PLA2G2A: variants seen among roughly 807,000 people sequenced by gnomAD.
PLA2G2A encodes phospholipase A2, membrane associated.
A neutral mutation model predicts 11.2 loss-of-function variants in PLA2G2A; 6 were observed. That is an observed-to-expected ratio of 0.54 (90% CI 0.29 to 1.06). PLA2G2A has a LOEUF of 1.06. Ranked by LOEUF, PLA2G2A falls within the 50% of genes least tolerant of loss-of-function variation. The probability of loss-of-function intolerance (pLI) is 0.08; values close to 1 mark genes in which losing one functional copy is unlikely to be tolerated. For synonymous variants in PLA2G2A, 69 were observed against 65.8 expected (o/e 1.05, Z -0.23); for missense variants, 133 against 177.1 (o/e 0.75, Z 1.41).
At chr1:19,975,453 A>G, downstream of PLA2G2A, 1 of 558,466 alleles carries the variant, frequency 1.8e-6, no homozygotes. Flanking sequence ...TAATTGCTTT[A>G]TTCAGAAGAG....
At position 19,976,484 on chromosome 1, in the gene PLA2G2A, C is replaced by T. The variant is rs547845435; in HGVS notation, c.293-641G>A. On this transcript the variant is annotated intron_variant, in intron 4 of 4. Transcript: ENST00000482011. Reference sequence around the variant, plus strand: ...GCTGCCCCAAGCCTGGCACTGCACTCTTCCAGAATTCTAGTTATGCGACAG... The same window carrying T: ...GCTGCCCCAAGCCTGGCACTGCACTTTTCCAGAATTCTAGTTATGCGACAG... Among the ~76,000 whole-genome samples, 5 of 152,344 alleles carry T rather than the reference C, an allele frequency of 3.3e-5. No homozygotes were observed. In the South Asian group the frequency reaches 6.2e-4, roughly 19 times the overall value.
chr1:19,978,755 A>G, exon 2 of PLA2G2A: 1 of 1,614,156 alleles, frequency 6.2e-7, no homozygotes, highest in East Asian at 2.2e-5. Context: ...ATCACTGCCA[A>G]CAGTAGGAGG....
At chr1:19,978,354 G>T (rs200556518) in intron 3 of PLA2G2A, 26 bp downstream of exon 3, 4 of 1,609,492 alleles carry the variant, frequency 2.5e-6, no homozygotes, top group South Asian at 1.1e-5. Context: ...GAGTCTAGGA[G>T]GGTAGGGAGG....
At chr1:19,978,300 A>T in intron 3 of PLA2G2A, 80 bp downstream of exon 3, 1 of 1,543,946 alleles carries the variant, frequency 6.5e-7, no homozygotes, top group East Asian at 2.3e-5. Context: ...TGCGCCCATC[A>T]GGAACCGGCA....
chr1:19,978,399 G>C (rs1373721891), exon 3 of PLA2G2A: 6 of 1,613,228 alleles, frequency 3.7e-6, no homozygotes, highest in Non-Finnish European at 5.1e-6. Flanking sequence ...GCATCCTTGG[G>C]GGATCCTCTG....
At position 19,975,849 on chromosome 1, in the gene PLA2G2A, A is replaced by G; in HGVS notation, c.293-6T>C. 6.2e-7 allele frequency: 1 copy of G among 1,613,346 alleles called. No individual in the cohort carries two copies. Among genetic ancestry groups the G allele is most frequent in the Non-Finnish European group, 8.5e-7 (1 of 1,179,502 alleles). On this transcript the variant is annotated splice_region_variant and splice_polypyrimidine_tract_variant and intron_variant, in intron 4 of 4. Transcript: ENST00000482011. ...TCTGCAGGAGTCCTGTTTTGCTGAA[A>G]TCATAAGAAAATAAACACAAGATGG... is the stretch of plus-strand genomic sequence containing the variant.
downstream of PLA2G2A, chr1:19,975,600 G>A: frequency 9.2e-7 from 1 of 1,091,972 alleles, no homozygotes; most frequent in Non-Finnish European, 1.4e-6. Flanking sequence ...ATGGGTGAGG[G>A]ATGCTTTCTG....
chr1:19,978,139 G>A lies in PLA2G2A; in HGVS notation c.186-18C>T, dbSNP rs770631666. 2.5e-6 allele frequency: 4 copies of A among 1,570,036 alleles called. No homozygotes were observed. Among genetic ancestry groups the A allele is most frequent in the Admixed American group, 1.7e-5 (1 of 59,990 alleles). On this transcript the variant is annotated intron_variant, in intron 3 of 4. Transcript: ENST00000482011. ...CACAGCAGCTGTGAGGAGACACCCT[G>A]TTGGGGCTCTTGTCCCACAGCTCCA...
chr1:19,976,975 CCTT>C (rs1011322256), intron 4 of PLA2G2A, among the ~76,000 whole-genome samples: 2 of 152,200 alleles, frequency 1.3e-5, no homozygotes, highest in African/African-American at 4.8e-5. Flanking sequence ...GACTCCTTGA[CCTT>C]CTCGCTCAGT....
At chr1:19,978,836 A>G (rs571772693) in exon 2 of PLA2G2A, 43 of 1,540,494 alleles carry the variant, frequency 2.8e-5, no homozygotes, top group Non-Finnish European at 9.9e-6. Context: ...GGGTGGTCTC[A>G]ACTTCTGCCC....
intron 4 of PLA2G2A, among the ~76,000 whole-genome samples, chr1:19,976,879 T>C (rs1319613434): frequency 8.5e-5 from 13 of 152,230 alleles, no homozygotes; most frequent in Admixed American, 8.5e-4. Flanking sequence ...CTCATGCGTT[T>C]CTGCCTCAAC....
In PLA2G2A at chr1:19,978,582, C is replaced by T. The variant is rs1481284223; in HGVS notation, c.41-58G>A. The T allele has an allele frequency of 8.7e-6, 14 of 1,605,622 alleles. No individual in the cohort carries two copies. The South Asian group carries it at 1.3e-4, about 15-fold the overall frequency. On this transcript the variant is annotated intron_variant, in intron 2 of 4. Coordinates refer to ENST00000482011, the Ensembl canonical transcript of PLA2G2A. ...GGGCATGGGGTTCTGCGCCCTCCCT[C>T]TCTGCCCCTCTCTGCTACTCTCCTT...
chr1:19,978,741 C>A (rs909035380), exon 2 of PLA2G2A: 1 of 1,614,036 alleles, frequency 6.2e-7, no homozygotes, highest in African/African-American at 1.3e-5. Context: ...TACCAAAGAT[C>A]ATGATCACTG....
chr1:19,975,736 T>G, exon 5 of PLA2G2A: 1 of 1,613,834 alleles, frequency 6.2e-7, no homozygotes, highest in Non-Finnish European at 8.5e-7. Context: ...CAGTGTTTAT[T>G]GGAATAGTAC....
rs140616974 is a variant in PLA2G2A at position 19,978,912 on chromosome 1, C to T, written c.-106-33G>A. 253 of 781,768 alleles carry T rather than the reference C, an allele frequency of 3.2e-4. No individual in the cohort carries two copies. In the East Asian group the frequency reaches 6.4e-3, roughly 20 times the overall value. The allele number at this position is 781,768 out of a possible 1,614,324, so 48.4% of individuals were successfully genotyped here. A position where few individuals can be genotyped will look rare whatever the true frequency, so the allele number is the denominator to read the frequency against. ...ACACAGACATGCTCTCCCATCCAAC[C>T]TAAGTCCAGGGTGACTTCCTCTGTC... On this transcript the variant is annotated intron_variant, in intron 1 of 4. Coordinates refer to ENST00000482011, the Ensembl canonical transcript of PLA2G2A.
At chr1:19,976,681 A>G (rs2046223962) in intron 4 of PLA2G2A, among the ~76,000 whole-genome samples, 1 of 152,200 alleles carries the variant, frequency 6.6e-6, no homozygotes, top group Non-Finnish European at 1.5e-5. Flanking sequence ...AATCCCACTC[A>G]TGAGTCAGCT....
At chr1:19,978,944 A>T in intron 1 of PLA2G2A, 65 bp from the exon 2 acceptor site, 1 of 666,440 alleles carries the variant, frequency 1.5e-6, no homozygotes, top group Non-Finnish European at 2.7e-6. Context: ...TGTCACACTC[A>T]GAGCACACAA....
At chr1:19,979,217 A>G (rs2046268820) in intron 1 of PLA2G2A, 2 of 220,368 alleles carry the variant, frequency 9.1e-6, no homozygotes, top group Non-Finnish European at 1.8e-5. Flanking sequence ...GCATATCCCC[A>G]CACTGGATTC....
intron 4 of PLA2G2A, among the ~76,000 whole-genome samples, chr1:19,976,268 TG>T (rs930809792): frequency 1.3e-5 from 2 of 152,178 alleles, no homozygotes; most frequent in African/African-American, 4.8e-5. Context: ...GGAAGTCTGC[TG>T]GGGGCTTCTG....
Sources: allele counts gnomAD v4.1 joint callset (sites outside exome capture counted in the v4.1 genomes callset), GRCh38; gene constraint gnomAD v4.1.1; transcripts MANE v1.5; gene names NCBI Gene and HGNC (gene_info 2026-07-23, HGNC 2026-07-21).